The following DCAF7 variants were observed in gnomAD, a reference collection of about 807,000 sequenced individuals.
The protein encoded by DCAF7 is DDB1- and CUL4-associated factor 7.
In DCAF7, 4 loss-of-function variants were observed where a neutral mutation model predicts 41.2. The observed-to-expected ratio is 0.10, with a 90% CI of 0.05 to 0.22. The LOEUF (loss-of-function observed/expected upper bound fraction) is 0.22, where lower values mean the gene tolerates loss of function less well. DCAF7 is among the 10% of genes least tolerant of loss of function. The probability of loss-of-function intolerance (pLI) is 1.00; values close to 1 mark genes in which losing one functional copy is unlikely to be tolerated. For missense variants in DCAF7, 131 were observed against 443.2 expected (o/e 0.30, Z 6.32); for synonymous variants, 143 against 164.2 (o/e 0.87, Z 0.99).
intron 1 of DCAF7, among the ~76,000 whole-genome samples, chr17:63,571,258 A>G (rs1315783055): frequency 6.6e-6 from 1 of 152,136 alleles, no homozygotes; most frequent in African/African-American, 2.4e-5. Flanking sequence ...AATTATATTT[A>G]TGTAAAGAAA....
chr17:63,578,869 A>G (rs2033590167), intron 2 of DCAF7, among the ~76,000 whole-genome samples: 1 of 152,246 alleles, frequency 6.6e-6, no homozygotes. Context: ...CGAGGTGATG[A>G]TGACGGCCTT....
chr17:63,562,887 A>C (rs1023802691), intron 1 of DCAF7, among the ~76,000 whole-genome samples: 2 of 151,634 alleles, frequency 1.3e-5, no homozygotes, highest in Non-Finnish European at 2.9e-5. Context: ...ACAGTGGCAC[A>C]ATTCACAGCT....
rs1190366742 is a variant in DCAF7 at position 63,578,609 on chromosome 17, ACTATCTCC to A, written c.279_286del (p.Asp93GlufsTer7). On this transcript the variant is annotated frameshift_variant, in exon 2 of 7. Transcript: ENST00000614556. LOFTEE classifies it high-confidence loss of function. ...CCAGACCTACTGGCAACAAGCGGTG[ACTATCTCC>A]GTGTGTGGAGGGTAAGCGGATGCTT... is the stretch of plus-strand genomic sequence containing the variant. 1 of 1,614,030 alleles carries A rather than the reference ACTATCTCC, an allele frequency of 6.2e-7. No homozygotes were observed. The highest frequency in any genetic ancestry group is 2.2e-5 in the East Asian group (1 of 44,890).
Position 63,559,398 on chromosome 17 carries a change from T to C in DCAF7, c.138+8583T>C, listed in dbSNP as rs568748073. Among the ~76,000 whole-genome samples, 542 of 97,494 alleles carry C rather than the reference T, an allele frequency of 5.6e-3. 4 individuals carry two copies. Among genetic ancestry groups the C allele is most frequent in the Admixed American group, 7.4e-3 (77 of 10,336 alleles). The allele number at this position is 97,494 out of a possible 152,430, so 64.0% of individuals were successfully genotyped here. ...ATGTGTATATATATGTATATATATA[T>C]GTATATATATGTATATATATACGTA... On this transcript the variant is annotated intron_variant, in intron 1 of 6. Coordinates refer to ENST00000614556, the MANE Select transcript of DCAF7 (RefSeq NM_005828.5).
At chr17:63,556,257 C>T (rs1486254124) in intron 1 of DCAF7, among the ~76,000 whole-genome samples, 1 of 152,208 alleles carries the variant, frequency 6.6e-6, no homozygotes, top group Non-Finnish European at 1.5e-5. Context: ...TCTTCTTCTG[C>T]ACTAGGACTG....
chr17:63,567,192 A>G (rs903733486), intron 1 of DCAF7, among the ~76,000 whole-genome samples: 4 of 152,216 alleles, frequency 2.6e-5, no homozygotes, highest in African/African-American at 9.6e-5. Context: ...AGCATCAGTA[A>G]GGATTTTTGA....
chr17:63,567,364 G>A (rs540930614), intron 1 of DCAF7, among the ~76,000 whole-genome samples: 1 of 152,298 alleles, frequency 6.6e-6, no homozygotes, highest in South Asian at 2.1e-4. Flanking sequence ...ATATTTGGTT[G>A]GCAACTTGGA....
At chr17:63,557,865 T>C (rs2033326626) in intron 1 of DCAF7, among the ~76,000 whole-genome samples, 1 of 152,090 alleles carries the variant, frequency 6.6e-6, no homozygotes, top group Non-Finnish European at 1.5e-5. Flanking sequence ...CCTAGGAAAA[T>C]TTCTTTTTTA....
intron 1 of DCAF7, among the ~76,000 whole-genome samples, chr17:63,567,214 C>G (rs996322668): frequency 2.6e-5 from 4 of 152,120 alleles, no homozygotes; most frequent in Non-Finnish European, 4.4e-5. Context: ...GGTCAGTAAG[C>G]AGATGGGAGG....
chr17:63,572,712 A>G (rs963150925), intron 1 of DCAF7, among the ~76,000 whole-genome samples: 104 of 152,272 alleles, frequency 6.8e-4, no homozygotes, highest in African/African-American at 2.5e-3. Flanking sequence ...TACTTCTTGA[A>G]TGAATATATA....
intron 1 of DCAF7, among the ~76,000 whole-genome samples, chr17:63,566,876 C>T (rs745488743): frequency 8.5e-5 from 13 of 152,258 alleles, no homozygotes; most frequent in East Asian, 7.7e-4. Flanking sequence ...ATCATGCCAC[C>T]GCTCTACAGT....
intron 1 of DCAF7, among the ~76,000 whole-genome samples, chr17:63,564,168 CATATAT>C (rs370996355): frequency 6.6e-6 from 1 of 150,774 alleles, no homozygotes; most frequent in Non-Finnish European, 1.5e-5. Context: ...CACACATACA[CATATAT>C]ACACACACAC....
In DCAF7 at chr17:63,585,277, G is replaced by A. The variant is rs746192971; in HGVS notation, c.805G>A (p.Val269Ile). The change falls in exon 6 of 7, where the codon GTC becomes ATC. Residue 269 changes from valine to isoleucine, a missense_variant. Physicochemically the swap from Val to Ile is conservative, Grantham distance 29 (BLOSUM62 3). Coordinates refer to ENST00000614556, the MANE Select transcript of DCAF7 (RefSeq NM_005828.5). ...VARLNNHRAC[V>I]NGIAWAPHSS... The stretch of plus-strand genomic sequence containing the variant: ...CAGGTTAAACAACCATCGAGCATGT[G>A]TCAATGGCATTGCTTGGGCCCCACA... 1 of 1,613,998 alleles carries A rather than the reference G, an allele frequency of 6.2e-7. No homozygotes were observed. Among genetic ancestry groups the A allele is most frequent in the South Asian group, 1.1e-5 (1 of 91,080 alleles).
chr17:63,564,371 A>G (rs2147764627), intron 1 of DCAF7, among the ~76,000 whole-genome samples: 1 of 152,330 alleles, frequency 6.6e-6, no homozygotes, highest in East Asian at 1.9e-4. Context: ...TGGTATCTAA[A>G]TTCTAGCACT....
chr17:63,587,783 CTTAT>C (rs1210300237), intron 6 of DCAF7, among the ~76,000 whole-genome samples: 2 of 152,040 alleles, frequency 1.3e-5, no homozygotes, highest in African/African-American at 4.8e-5. Flanking sequence ...AGGCCATTGC[CTTAT>C]TTTTTTCTTT....
intron 6 of DCAF7, 74 bp from the exon 7 acceptor site, chr17:63,588,926 G>C: frequency 6.8e-7 from 1 of 1,474,566 alleles, no homozygotes; most frequent in Non-Finnish European, 9.1e-7. Context: ...ACTGTGACTT[G>C]CTCCTGAAAT....
rs530973863 is a variant in DCAF7, at chr17:63,571,344, G to T, written c.139-7126G>T. Among the ~76,000 whole-genome samples, 3 of 152,216 alleles carry T rather than the reference G, an allele frequency of 2.0e-5. No homozygotes were observed. In the East Asian group the frequency reaches 5.8e-4, roughly 29 times the overall value. On this transcript the variant is annotated intron_variant, in intron 1 of 6. Transcript: ENST00000614556. ...CAAATGGCAATTACTGGTATAGAGG[G>T]ATGGGGTGGCATTGAAAGAGGGACT...
At chr17:63,579,003 C>T (rs116160664) in intron 2 of DCAF7, among the ~76,000 whole-genome samples, 1,545 of 152,272 alleles carry the variant, frequency 0.01, 21 homozygotes, top group African/African-American at 0.036. Context: ...TGGAGGCTTC[C>T]CTCCACCCTC....
rs769425548 is a variant in DCAF7 at position 63,583,524 on chromosome 17, G to A, written c.551G>A (p.Arg184Gln). 1.9e-6 allele frequency: 3 copies of A among 1,613,878 alleles called. No homozygotes were observed. The highest frequency in any genetic ancestry group is 1.7e-6 in the Non-Finnish European group (2 of 1,179,848). ...DKEVYDIAFS[R>Q]AGGGRDMFAS... is the part of the protein sequence containing the mutation. ...CAGGTCTATGATATTGCATTTAGCC[G>A]GGCCGGGGGTGGCAGGGACATGTTT... The change falls in exon 5 of 7, where the codon CGG becomes CAG. Residue 184 changes from arginine to glutamine, a missense_variant. Arg to Gln is a conservative substitution (Grantham distance 43, BLOSUM62 1). Transcript: ENST00000614556.
Sources: allele counts gnomAD v4.1 joint callset (sites outside exome capture counted in the v4.1 genomes callset), GRCh38; gene constraint gnomAD v4.1.1; transcripts MANE v1.5; gene names NCBI Gene and HGNC (gene_info 2026-07-23, HGNC 2026-07-21).